Variants in NXN observed in about 807,000 individuals in gnomAD.
NXN encodes nucleoredoxin.
Under a neutral mutation model 48.6 loss-of-function variants are expected in NXN, and 16 were observed. The observed-to-expected ratio is 0.33, with a 90% CI of 0.22 to 0.50. The LOEUF is 0.50. Among genes scored for constraint, NXN ranks in the 20% least tolerant of loss-of-function variants. The pLI is 0.98. For synonymous variants in NXN, 281 were observed against 269.6 expected (o/e 1.04, Z -0.41); for missense variants, 492 against 605.5 (o/e 0.81, Z 1.97).
intron 1 of NXN, among the ~76,000 whole-genome samples, chr17:957,109 C>G (rs1042788262): frequency 6.6e-6 from 1 of 151,140 alleles, no homozygotes; most frequent in African/African-American, 2.4e-5. Context: ...AACATGTGAC[C>G]AGCAGGGGCC....
chr17:962,338 T>C (rs868570705), intron 1 of NXN, among the ~76,000 whole-genome samples: 1 of 152,064 alleles, frequency 6.6e-6, no homozygotes, highest in Non-Finnish European at 1.5e-5. Flanking sequence ...CAACTAGGCA[T>C]ATTGCCTAAC....
chr17:953,721 A>G (rs1422954655), intron 1 of NXN, among the ~76,000 whole-genome samples: 2 of 152,176 alleles, frequency 1.3e-5, no homozygotes. Context: ...GGATTGCTTG[A>G]GCCCAGGAGT....
At chr17:809,663 A>G (rs2144588303) in intron 5 of NXN, among the ~76,000 whole-genome samples, 1 of 152,352 alleles carries the variant, frequency 6.6e-6, no homozygotes, top group Non-Finnish European at 1.5e-5. Context: ...GTTCTAGGAC[A>G]GAAAGAGCTG....
At chr17:913,684 A>G (rs1206663838) in intron 1 of NXN, among the ~76,000 whole-genome samples, 6 of 152,060 alleles carry the variant, frequency 3.9e-5, no homozygotes, top group African/African-American at 1.2e-4. Context: ...CAGGCAATGC[A>G]GAGACCGGGA....
chr17:885,261 G>C (rs535284650), intron 1 of NXN, among the ~76,000 whole-genome samples: 22 of 152,100 alleles, frequency 1.4e-4, no homozygotes, highest in African/African-American at 5.1e-4. Context: ...CAGAGGTTGA[G>C]ACCAGCCTGG....
At chr17:963,182 T>TAA (rs146721381) in intron 1 of NXN, among the ~76,000 whole-genome samples, 2 of 132,876 alleles carry the variant, frequency 1.5e-5, no homozygotes, top group South Asian at 2.6e-4. Context: ...AGGCTTGATT[T>TAA]AAAAAAAAAA....
chr17:852,372 C>T (rs1272962120), intron 1 of NXN, among the ~76,000 whole-genome samples: 1 of 152,130 alleles, frequency 6.6e-6, no homozygotes, highest in African/African-American at 2.4e-5. Context: ...CCACAGGATC[C>T]CTGGGACCCC....
chr17:913,504 A>ACT (rs1266008345), intron 1 of NXN, among the ~76,000 whole-genome samples: 26 of 152,252 alleles, frequency 1.7e-4, no homozygotes, highest in Non-Finnish European at 7.3e-5. Context: ...GACAGAGAGC[A>ACT]ACAGGCTGAG....
At chr17:807,613 T>C (rs603492) in intron 5 of NXN, among the ~76,000 whole-genome samples, 62,569 of 152,190 alleles carry the variant, frequency 0.41, 13,142 homozygotes, top group East Asian at 0.51. Context: ...CTCAGGGGCT[T>C]CCCCGAGGAA....
intron 1 of NXN, among the ~76,000 whole-genome samples, chr17:856,186 C>T (rs2067984121): frequency 1.3e-5 from 2 of 150,210 alleles, no homozygotes; most frequent in Non-Finnish European, 3.0e-5. Flanking sequence ...AGTGAGACTC[C>T]GTCTCAAAAA....
At chr17:921,806 C>T (rs2068753047) in intron 1 of NXN, among the ~76,000 whole-genome samples, 1 of 151,486 alleles carries the variant, frequency 6.6e-6, no homozygotes, top group South Asian at 2.1e-4. Flanking sequence ...AGGCTCTCAT[C>T]CTCACTGCCC....
At chr17:953,552 A>T (rs1446803880) in intron 1 of NXN, among the ~76,000 whole-genome samples, 2 of 152,126 alleles carry the variant, frequency 1.3e-5, no homozygotes, top group African/African-American at 4.8e-5. Context: ...CCCAGCATAA[A>T]CCTGTTAGGA....
intron 1 of NXN, among the ~76,000 whole-genome samples, chr17:916,322 G>C (rs1333947937): frequency 6.6e-6 from 1 of 152,146 alleles, no homozygotes; most frequent in Non-Finnish European, 1.5e-5. Context: ...TCTTCCTGCT[G>C]AAAATGAGAT....
At chr17:805,337 C>T in intron 5 of NXN, 90 bp from the exon 6 acceptor site, 2 of 1,399,256 alleles carry the variant, frequency 1.4e-6, no homozygotes, top group South Asian at 2.8e-5. Context: ...CGGGGTCCCC[C>T]CGACCGTGGT....
At chr17:841,032 T>C (rs1422394254) in intron 1 of NXN, among the ~76,000 whole-genome samples, 1 of 152,140 alleles carries the variant, frequency 6.6e-6, no homozygotes, top group African/African-American at 2.4e-5. Flanking sequence ...TGGGTTCGAA[T>C]CCCGGCTCTG....
chr17:930,562 T>C (rs1375086834), intron 1 of NXN: 1 of 152,006 alleles, frequency 6.6e-6, no homozygotes, highest in Non-Finnish European at 1.5e-5. Flanking sequence ...CACAACACAA[T>C]GTAAATACGA....
chr17:910,709 G>A (rs1263243012), intron 1 of NXN: 1 of 152,124 alleles, frequency 6.6e-6, no homozygotes, highest in East Asian at 1.9e-4. Context: ...TCAAGTAACT[G>A]TACTCCTTGG....
chr17:919,944 C>T lies in NXN; in HGVS notation c.360+59375G>A, dbSNP rs77920690. The stretch of plus-strand genomic sequence containing the variant: ...AAATGTACCTTCCATCTCTCTCTGC[C>T]TCAGCCCCCACCGGCACCCTTGGTG... On this transcript the variant is annotated intron_variant, in intron 1 of 7. Transcript: ENST00000336868. This position sits in a 1 kb window ranked among gnomAD's most constrained non-coding sequence, Gnocchi z 5.1. Among the ~76,000 whole-genome samples, 3,631 of 152,188 alleles carry T rather than the reference C, an allele frequency of 0.024. 147 individuals carry two copies. Among genetic ancestry groups the T allele is most frequent in the East Asian group, 0.2 (1,008 of 5,154 alleles).
intron 1 of NXN, among the ~76,000 whole-genome samples, chr17:881,697 T>G (rs2068286403): frequency 6.6e-6 from 1 of 152,204 alleles, no homozygotes; most frequent in Admixed American, 6.5e-5. Context: ...CACCCCAAAC[T>G]GACAACAACT....
Sources: allele counts gnomAD v4.1 joint callset (sites outside exome capture counted in the v4.1 genomes callset), GRCh38; gene constraint gnomAD v4.1.1; non-coding constraint Gnocchi (gnomAD v3.1); transcripts MANE v1.5; gene names NCBI Gene and HGNC (gene_info 2026-07-23, HGNC 2026-07-21).